The following CSTPP1 variants were observed in gnomAD, a reference collection of about 807,000 sequenced individuals.
CSTPP1 encodes the protein centriolar satellite-associated tubulin polyglutamylase complex regulator 1, also known as UPF0705 protein C11orf49.
the CSTPP1 span, among the ~76,000 whole-genome samples, chr11:47,019,069 G>A: frequency 6.6e-6 from 1 of 151,492 alleles, no homozygotes; most frequent in East Asian, 1.9e-4. Flanking sequence ...ATGCAATGGT[G>A]CAATCTCAGC....
chr11:47,076,160 A>G, the CSTPP1 span, among the ~76,000 whole-genome samples: 1 of 152,148 alleles, frequency 6.6e-6, no homozygotes, highest in Non-Finnish European at 1.5e-5. Context: ...CACAGAGCGT[A>G]GGTGAGATGC....
the CSTPP1 span, among the ~76,000 whole-genome samples, chr11:47,016,448 A>T: frequency 1.3e-5 from 2 of 151,674 alleles, no homozygotes; most frequent in Non-Finnish European, 2.9e-5. Flanking sequence ...AAGTGAATTT[A>T]TCAAGGCTGT....
the CSTPP1 span, among the ~76,000 whole-genome samples, chr11:47,146,505 C>T: frequency 6.6e-6 from 1 of 152,054 alleles, no homozygotes; most frequent in Non-Finnish European, 1.5e-5. Flanking sequence ...ATTTTCATGC[C>T]CACACTCACT....
chr11:47,015,369 G>A, the CSTPP1 span, among the ~76,000 whole-genome samples: 1 of 152,000 alleles, frequency 6.6e-6, no homozygotes, highest in Non-Finnish European at 1.5e-5. Context: ...AGCTACTCAG[G>A]AGGCTGAGGC....
the CSTPP1 span, among the ~76,000 whole-genome samples, chr11:47,094,336 G>A: frequency 6.6e-6 from 1 of 152,172 alleles, no homozygotes; most frequent in Non-Finnish European, 1.5e-5. Context: ...GGGTATTGTT[G>A]TTCAATTGGT....
chr11:47,097,676 A>G, the CSTPP1 span, among the ~76,000 whole-genome samples: 1 of 37,234 alleles, frequency 2.7e-5, no homozygotes, highest in Non-Finnish European at 6.0e-5. Context: ...TCCGGGAGGG[A>G]GGTGGGGGGG....
the CSTPP1 span, among the ~76,000 whole-genome samples, chr11:47,116,675 G>GTTTTTTTTTTT: frequency 1.2e-5 from 1 of 83,906 alleles, no homozygotes; most frequent in African/African-American, 4.9e-5. Flanking sequence ...TGCTTGGTAG[G>GTTTTTTTTTTT]TTTTTTTTTT....
the CSTPP1 span, among the ~76,000 whole-genome samples, chr11:46,995,372 G>T: frequency 1.3e-5 from 2 of 152,250 alleles, no homozygotes; most frequent in East Asian, 3.9e-4. Context: ...TGATGTTAGG[G>T]TGTCAGTTTT....
the CSTPP1 span, among the ~76,000 whole-genome samples, chr11:47,006,289 A>G: frequency 5.3e-5 from 8 of 152,220 alleles, no homozygotes; most frequent in Admixed American, 2.0e-4. Context: ...CTGTTTTACC[A>G]TTCCATTATC....
chr11:46,987,314 A>G, the CSTPP1 span: 5 of 1,611,556 alleles, frequency 3.1e-6, no homozygotes, highest in Non-Finnish European at 4.2e-6. Flanking sequence ...CTGAATAGTA[A>G]GTACATGAAT....
At chr11:47,124,092 C>A in the CSTPP1 span, among the ~76,000 whole-genome samples, 3 of 127,864 alleles carry the variant, frequency 2.3e-5, no homozygotes, top group Non-Finnish European at 4.9e-5. Context: ...TGTACATTTT[C>A]AAATAGTTCT....
the CSTPP1 span, among the ~76,000 whole-genome samples, chr11:47,094,713 C>G: frequency 6.6e-6 from 1 of 152,196 alleles, no homozygotes; most frequent in Non-Finnish European, 1.5e-5. Context: ...AAAGTGCTCA[C>G]AAGCCACATA....
chr11:46,974,881 C>T, the CSTPP1 span, among the ~76,000 whole-genome samples: 3 of 150,936 alleles, frequency 2.0e-5, no homozygotes, highest in Non-Finnish European at 4.4e-5. Flanking sequence ...CACACACACA[C>T]ACACACACAC....
At chr11:47,161,079 G>C in the CSTPP1 span, 6 of 1,611,660 alleles carry the variant, frequency 3.7e-6, no homozygotes, top group Non-Finnish European at 5.1e-6. Context: ...TCTGTTGCCT[G>C]GCTGAAGGGC....
chr11:47,135,376 A>T, the CSTPP1 span, among the ~76,000 whole-genome samples: 3 of 152,190 alleles, frequency 2.0e-5, no homozygotes, highest in East Asian at 5.8e-4. Context: ...TTTGCCCAAG[A>T]TTACATACCT....
chr11:46,994,671 G>A, the CSTPP1 span, among the ~76,000 whole-genome samples: 8 of 152,146 alleles, frequency 5.3e-5, no homozygotes, highest in East Asian at 1.9e-4. Flanking sequence ...TGCTGGATTC[G>A]GTTTGCCAGT....
the CSTPP1 span, among the ~76,000 whole-genome samples, chr11:46,945,587 C>G: frequency 3.9e-5 from 6 of 152,038 alleles, no homozygotes; most frequent in Non-Finnish European, 8.8e-5. Context: ...TGCACTCCAG[C>G]CTGGGCGACA....
the CSTPP1 span, among the ~76,000 whole-genome samples, chr11:47,010,603 G>T: frequency 3.9e-5 from 6 of 152,148 alleles, no homozygotes. Flanking sequence ...GCCCTTTTTT[G>T]CTTAAGATAG....
At chr11:46,956,482 A>C in the CSTPP1 span, among the ~76,000 whole-genome samples, 2 of 152,190 alleles carry the variant, frequency 1.3e-5, no homozygotes, top group Non-Finnish European at 2.9e-5. Context: ...TACAAAGCCC[A>C]GACAAATACA....
Sources: gnomAD v4.1 joint callset for allele counts (sites outside exome capture counted in the v4.1 genomes callset) on GRCh38, gnomAD v4.1.1 for gene constraint, MANE v1.5 for transcripts, NCBI Gene and HGNC (gene_info 2026-07-23, HGNC 2026-07-21) for gene names.